Variants in ROPN1L observed in about 807,000 individuals in gnomAD.
The protein encoded by ROPN1L is ropporin-1-like protein.
A neutral mutation model predicts 22.7 loss-of-function variants in ROPN1L; 23 were observed. The observed-to-expected ratio is 1.01, with a 90% CI of 0.73 to 1.43. The LOEUF is 1.43. Ranked by LOEUF, ROPN1L falls within the 40% of genes most tolerant of loss-of-function variation. The probability of loss-of-function intolerance (pLI) is 0.00; values close to 1 mark genes in which losing one functional copy is unlikely to be tolerated. For synonymous variants in ROPN1L, 116 were observed against 117.8 expected (o/e 0.98, Z 0.10); for missense variants, 271 against 291.5 (o/e 0.93, Z 0.51).
the ROPN1L span, among the ~76,000 whole-genome samples, chr5:10,479,588 G>T: frequency 1.3e-5 from 2 of 152,166 alleles, no homozygotes; most frequent in Non-Finnish European, 2.9e-5. Flanking sequence ...AGCACAGGAC[G>T]CCAGGCTGGG....
downstream of ROPN1L, among the ~76,000 whole-genome samples, chr5:10,468,846 A>G (rs1045213126): frequency 2.6e-5 from 4 of 152,222 alleles, no homozygotes; most frequent in African/African-American, 9.6e-5. Context: ...AATTTTTCCA[A>G]TTGAAGTCAC....
At chr5:10,454,211 C>T (rs1038742667) in intron 3 of ROPN1L, among the ~76,000 whole-genome samples, 4 of 152,098 alleles carry the variant, frequency 2.6e-5, no homozygotes, top group Non-Finnish European at 5.9e-5. Context: ...ACTGCAGCCT[C>T]AACCTCCTGT....
intron 3 of ROPN1L, among the ~76,000 whole-genome samples, chr5:10,458,641 G>GTACACCA (rs1734915664): frequency 8.1e-5 from 2 of 24,840 alleles, no homozygotes; most frequent in African/African-American, 3.7e-4. Flanking sequence ...CATGTACACC[G>GTACACCA]TCCCCACCAT....
intron 1 of ROPN1L, among the ~76,000 whole-genome samples, chr5:10,446,910 A>T (rs1184639789): frequency 6.6e-6 from 1 of 152,226 alleles, no homozygotes; most frequent in Non-Finnish European, 1.5e-5. Flanking sequence ...CTTTAGGTTC[A>T]CATTTGTCTA....
chr5:10,468,350 G>A (rs1735188982), downstream of ROPN1L, among the ~76,000 whole-genome samples: 1 of 152,228 alleles, frequency 6.6e-6, no homozygotes, highest in Non-Finnish European at 1.5e-5. Context: ...TGGATTGTTT[G>A]TGCCTCATAA....
At chr5:10,457,950 T>G (rs1327738107) in intron 3 of ROPN1L, among the ~76,000 whole-genome samples, 2 of 152,088 alleles carry the variant, frequency 1.3e-5, no homozygotes, top group Admixed American at 1.3e-4. Context: ...GCTCTCAGTC[T>G]GCCCTCACAC....
chr5:10,465,664 CA>C (rs1382777082), downstream of ROPN1L, among the ~76,000 whole-genome samples: 1 of 151,842 alleles, frequency 6.6e-6, no homozygotes, highest in Non-Finnish European at 1.5e-5. Flanking sequence ...GCCTGGCTAA[CA>C]TGGTGAAACC....
intron 1 of ROPN1L, among the ~76,000 whole-genome samples, chr5:10,447,403 A>G (rs979175810): frequency 9.2e-5 from 14 of 152,212 alleles, no homozygotes; most frequent in African/African-American, 2.9e-4. Flanking sequence ...AGGAACAATT[A>G]AGGGGAACAA....
rs200261857 is a variant in ROPN1L, at chr5:10,461,399, A to G, written c.593+40A>G. 6.4e-6 allele frequency: 10 copies of G among 1,561,290 alleles called. No individual in the cohort carries two copies. The East Asian group carries it at 1.8e-4, about 28-fold the overall frequency. On this transcript the variant is annotated intron_variant, in intron 4 of 4. Transcript: ENST00000274134. ...TCTCTAGGATTCAGGTATGTTGACC[A>G]TGGGAGAATTTCCTGTTTCACTTCC...
chr5:10,473,825 G>A (rs915770220), downstream of ROPN1L, among the ~76,000 whole-genome samples: 1 of 152,158 alleles, frequency 6.6e-6, no homozygotes, highest in Non-Finnish European at 1.5e-5. Context: ...ATAAGAGAGA[G>A]TTCTAGAATG....
intron 3 of ROPN1L, among the ~76,000 whole-genome samples, chr5:10,459,435 A>G (rs193295151): frequency 4.3e-4 from 65 of 151,412 alleles, no homozygotes; most frequent in African/African-American, 1.4e-3. Context: ...AACACTCTAC[A>G]GTGCTCCGTC....
intron 3 of ROPN1L, among the ~76,000 whole-genome samples, chr5:10,456,456 C>T (rs1321560448): frequency 6.6e-6 from 1 of 152,198 alleles, no homozygotes; most frequent in Non-Finnish European, 1.5e-5. Context: ...TCACTGAACT[C>T]CAGCCTGGGT....
chr5:10,480,836 C>G, the ROPN1L span, among the ~76,000 whole-genome samples: 2 of 152,128 alleles, frequency 1.3e-5, no homozygotes, highest in African/African-American at 4.8e-5. Flanking sequence ...CCTCTGACCT[C>G]AAATTTACCT....
chr5:10,469,071 C>T (rs551963443), downstream of ROPN1L, among the ~76,000 whole-genome samples: 12 of 152,232 alleles, frequency 7.9e-5, no homozygotes, highest in African/African-American at 2.4e-4. Context: ...AGGAGAATGG[C>T]GTGAACCTGG....
intron 3 of ROPN1L, among the ~76,000 whole-genome samples, chr5:10,457,437 A>G (rs1734853969): frequency 6.6e-6 from 1 of 152,232 alleles, no homozygotes. Flanking sequence ...GCTGCTAGAC[A>G]TAATAAAATG....
At chr5:10,461,577 C>T (rs765602800) in intron 4 of ROPN1L, 8 of 491,384 alleles carry the variant, frequency 1.6e-5, no homozygotes, top group African/African-American at 5.9e-5. Flanking sequence ...ATTCTCATTC[C>T]GTCTCTACCC....
the ROPN1L span, chr5:10,478,229 C>T: frequency 0.73 from 111,782 of 152,204 alleles, 42,842 homozygotes; most frequent in East Asian, 0.98. Context: ...ACCTTGAGCC[C>T]TCTCCAGATA....
At chr5:10,469,374 C>A (rs574172845), downstream of ROPN1L, among the ~76,000 whole-genome samples, 2 of 151,268 alleles carry the variant, frequency 1.3e-5, no homozygotes, top group East Asian at 3.9e-4. Flanking sequence ...GTGGTCCCAG[C>A]TACCTGGGAG....
chr5:10,468,269 A>G (rs971173973), downstream of ROPN1L, among the ~76,000 whole-genome samples: 2 of 152,354 alleles, frequency 1.3e-5, no homozygotes, highest in East Asian at 1.9e-4. Context: ...TCTCCATGCC[A>G]TTTAGTGGGG....
Sources: allele counts gnomAD v4.1 joint callset (sites outside exome capture counted in the v4.1 genomes callset), GRCh38; gene constraint gnomAD v4.1.1; transcripts MANE v1.5; gene names NCBI Gene and HGNC (gene_info 2026-07-23, HGNC 2026-07-21).